The following ARAF variants were observed in gnomAD, a reference collection of about 807,000 sequenced individuals.
ARAF encodes A-Raf proto-oncogene, serine/threonine kinase.
ARAF carries 18 observed loss-of-function variants against 48.0 expected under a neutral mutation model. The ratio of observed to expected loss-of-function variants is 0.37; its 90% CI spans 0.26 to 0.56. The LOEUF (loss-of-function observed/expected upper bound fraction) is 0.56. Among genes scored for constraint, ARAF ranks in the 20% least tolerant of loss-of-function variants. The probability of loss-of-function intolerance (pLI) is 0.77; values close to 1 mark genes in which losing one functional copy is unlikely to be tolerated. For missense variants in ARAF, 389 were observed against 543.1 expected (o/e 0.72, Z 2.82); for synonymous variants, 207 against 220.1 (o/e 0.94, Z 0.53).
chrX:47,561,271 G>A lies in ARAF; in HGVS notation c.-60+20G>A, dbSNP rs1433230095. 2 of 112,360 alleles carry A rather than the reference G, an allele frequency of 1.8e-5. No individual in the cohort carries two copies. The highest frequency in any genetic ancestry group is 1.9e-4 in the Admixed American group (2 of 10,695). The allele number at this position is 112,360 out of a possible 1,213,427, so 9.3% of individuals were successfully genotyped here. A position where few individuals can be genotyped will look rare whatever the true frequency, so the allele number is the denominator to read the frequency against. On this transcript the variant is annotated intron_variant, in intron 1 of 15. Coordinates refer to ENST00000377045, the MANE Select transcript of ARAF (RefSeq NM_001654.5). Reference sequence around the variant, plus strand: ...TGACAGGTGAGGGCGGGCCCGGGAGGGCTCGGTTTCTGGAGCGGCTGCCGG... The same window carrying A: ...TGACAGGTGAGGGCGGGCCCGGGAGAGCTCGGTTTCTGGAGCGGCTGCCGG...
intron 10 of ARAF, among the ~76,000 whole-genome samples, chrX:47,568,315 A>G (rs1031194497): frequency 2.7e-5 from 3 of 110,813 alleles, no homozygotes; most frequent in African/African-American, 9.9e-5. Flanking sequence ...ATCTATCCAT[A>G]TTATATTGAT....
At position 47,569,594 on chromosome X, in the gene ARAF, A is replaced by C. The variant is rs928156916; in HGVS notation, c.1356A>C (p.Thr452=). The change falls in exon 13 of 16, where the codon ACA becomes ACC. Residue 452 remains threonine (T), a synonymous_variant. Transcript: ENST00000377045. ...TVKIGDFGLA[T]VKTRWSGAQP... is the part of the protein sequence containing the mutation. ...AGATCGGTGACTTTGGCTTGGCCAC[A>C]GTGAAGACTCGATGGAGCGGGGCCC... The C allele has an allele frequency of 7.5e-6, 9 of 1,207,800 alleles. No individual in the cohort carries two copies. The African/African-American group carries it at 1.6e-4, about 21-fold the overall frequency.
At chrX:47,570,343 G>A (rs1432549308) in intron 14 of ARAF, 8 of 211,549 alleles carry the variant, frequency 3.8e-5, no homozygotes, top group African/African-American at 5.8e-5. Flanking sequence ...ATCCCTAGAC[G>A]CCTATAGTCG....
rs2147910439 is a variant in ARAF, at chrX:47,571,426, G to A, written c.1790G>A (p.Cys597Tyr). The A allele has an allele frequency of 8.3e-7, 1 of 1,207,373 alleles. No homozygotes were observed. The highest frequency in any genetic ancestry group is 1.1e-6 in the Non-Finnish European group (1 of 893,488). ...ACCCAGGCCGATGAGTTGCCTGCCT[G>A]CCTACTCAGCGCAGCCCGCCTTGTG... is the stretch of plus-strand genomic sequence containing the variant. ...HRTQADELPA[C>Y]LLSAARLVP Residue 597 changes from cysteine (C) to tyrosine (Y), a missense_variant, in exon 16 of 16, where the codon TGC becomes TAC. This residue lies in a region of ARAF where 170 missense variants were observed against 281.4 expected (regional missense o/e 0.60). Coordinates refer to ENST00000377045, the MANE Select transcript of ARAF (RefSeq NM_001654.5).
intron 10 of ARAF, 110 bp from the exon 11 acceptor site, chrX:47,568,608 G>C (rs2057742738): frequency 3.5e-6 from 3 of 852,743 alleles, no homozygotes; most frequent in African/African-American, 4.1e-5. Flanking sequence ...AAAAGACAGG[G>C]TGAAAATAAA....
Position 47,571,426 on chromosome X carries a change from G to GCCTA in ARAF, c.1792_1795dup (p.Leu599ProfsTer40). 1 of 1,207,376 alleles carries GCCTA rather than the reference G, an allele frequency of 8.3e-7. No homozygotes were observed. On this transcript the variant is annotated frameshift_variant, in exon 16 of 16. Transcript: ENST00000377045. LOFTEE classifies it high-confidence loss of function. ...ACCCAGGCCGATGAGTTGCCTGCCT[G>GCCTA]CCTACTCAGCGCAGCCCGCCTTGTG...
chrX:47,569,723 G>T (rs1476067034), intron 13 of ARAF, 66 bp downstream of exon 13: 1 of 1,116,680 alleles, frequency 9.0e-7, no homozygotes, highest in African/African-American at 1.8e-5. Context: ...GGTGTGTGGG[G>T]CCAAGTGGGG....
At chrX:47,571,213 GTGTGTGTGTGT>G in intron 15 of ARAF, 99 bp from the exon 16 acceptor site, 3 of 180,665 alleles carry the variant, frequency 1.7e-5, no homozygotes, top group Non-Finnish European at 2.2e-5. Flanking sequence ...GGACTGTTGG[GTGTGTGTGTGT>G]GTGTGTGTGT....
intron 3 of ARAF, among the ~76,000 whole-genome samples, chrX:47,563,658 A>G (rs141965190): frequency 6.8e-4 from 77 of 112,738 alleles, no homozygotes; most frequent in African/African-American, 2.4e-3. Flanking sequence ...CAAAACTAGC[A>G]TGAATTTATT....
Position 47,568,805 on chromosome X carries a change from C to T in ARAF, c.1164C>T (p.Ser388=). The change falls in exon 11 of 16, where the codon TCC becomes TCT. Residue 388 remains serine (S), a synonymous_variant. Transcript: ENST00000377045. ...TCATCACACAGTGGTGTGAGGGCTC[C>T]AGCCTCTACCATCACCTGCATGTGG... The part of the protein sequence containing the change: ...FAIITQWCEG[S]SLYHHLHVAD... The T allele has an allele frequency of 1.7e-6, 2 of 1,211,328 alleles. No individual in the cohort carries two copies. Among genetic ancestry groups the T allele is most frequent in the South Asian group, 1.8e-5 (1 of 56,831 alleles).
Position 47,570,944 on chromosome X carries a change from A to G in ARAF, c.1618A>G (p.Lys540Glu), listed in dbSNP as rs2147909735. The part of the protein sequence containing the change: ...DLSKISSNCP[K>E]AMRRLLSDCL... ...CAGCAAAATCTCCAGCAACTGCCCCAAGGCCATGCGGCGCCTGCTGTCTGA... is the reference window on the plus strand; with the variant it reads ...CAGCAAAATCTCCAGCAACTGCCCCGAGGCCATGCGGCGCCTGCTGTCTGA... Residue 540 changes from lysine (K) to glutamate (E), a missense_variant, in exon 15 of 16, where the codon AAG (lysine) becomes GAG (glutamate). Around this residue, in one of 4 missense-constraint regions of ARAF, gnomAD observed 170 missense variants for 281.4 expected, o/e 0.60. Transcript: ENST00000377045. 2.5e-6 allele frequency: 3 copies of G among 1,211,570 alleles called. No homozygotes were observed. The highest frequency in any genetic ancestry group is 3.4e-6 in the Non-Finnish European group (3 of 895,383).
At chrX:47,562,232 A>G (rs1349436343) in intron 1 of ARAF, among the ~76,000 whole-genome samples, 2 of 110,511 alleles carry the variant, frequency 1.8e-5, no homozygotes, top group African/African-American at 6.6e-5. Flanking sequence ...TTAAAAAACC[A>G]GGACACTTTG....
chrX:47,569,821 G>A (rs2057747791), intron 13 of ARAF, 72 bp from the exon 14 acceptor site: 2 of 1,164,796 alleles, frequency 1.7e-6, no homozygotes, highest in Non-Finnish European at 2.3e-6. Context: ...TGTGTGGCCA[G>A]TGGGATCTGG....
chrX:47,563,825 A>G (rs1053736674), intron 3 of ARAF, among the ~76,000 whole-genome samples: 20 of 111,405 alleles, frequency 1.8e-4, no homozygotes, highest in Admixed American at 4.8e-4. Context: ...TGCCACCAAC[A>G]CTACTCTTGT....
At chrX:47,566,949 C>A (rs755892791) in intron 8 of ARAF, 37 bp from the exon 9 acceptor site, 1 of 1,211,593 alleles carries the variant, frequency 8.3e-7, no homozygotes, top group Non-Finnish European at 1.1e-6. Flanking sequence ...CCCCGCTGCC[C>A]CACTTACCTC....
intron 15 of ARAF, 57 bp downstream of exon 15, chrX:47,571,069 C>A (rs2147909881): frequency 1.7e-6 from 2 of 1,161,876 alleles, no homozygotes; most frequent in Non-Finnish European, 2.3e-6. Flanking sequence ...TAGAGGAAGA[C>A]TGAGATGGAG....
chrX:47,567,618 T>A (rs1195575477), intron 10 of ARAF, among the ~76,000 whole-genome samples, 186 bp downstream of exon 10: 1 of 111,810 alleles, frequency 8.9e-6, no homozygotes, highest in East Asian at 2.8e-4. Context: ...TTAGAGGACC[T>A]GTGATCATGC....
intron 14 of ARAF, 145 bp downstream of exon 14, chrX:47,570,169 T>C: frequency 1.4e-6 from 1 of 693,380 alleles, no homozygotes; most frequent in Non-Finnish European, 2.0e-6. Flanking sequence ...CCAGAATCCC[T>C]TGGGCTCCAG....
rs1396465334 is a variant in ARAF, at chrX:47,562,914, C to T, written c.-54C>T. On this transcript the variant is annotated 5_prime_UTR_variant, in exon 2 of 16. Transcript: ENST00000377045. The stretch of plus-strand genomic sequence containing the variant: ...TCTTGTCTGCCTTCTTGTAGGAGCC[C>T]CATGGCACCTGCCCAGCCCCACCTC... 13 of 967,766 alleles carry T rather than the reference C, an allele frequency of 1.3e-5. No homozygotes were observed. Among genetic ancestry groups the T allele is most frequent in the South Asian group, 1.2e-4 (5 of 42,557 alleles). The allele number at this position is 967,766 out of a possible 1,213,427, so 79.8% of individuals were successfully genotyped here.
Sources: gnomAD v4.1 joint callset for allele counts (sites outside exome capture counted in the v4.1 genomes callset) on GRCh38, gnomAD v4.1.1 for gene constraint, gnomAD v4.1.1 regional missense constraint, MANE v1.5 for transcripts, NCBI Gene and HGNC (gene_info 2026-07-23, HGNC 2026-07-21) for gene names.